Variants in ZNF571 observed in about 807,000 individuals in gnomAD.
ZNF571 encodes the protein zinc finger protein 571.
In ZNF571, 4 loss-of-function variants were observed where a neutral mutation model predicts 7.7. The ratio of observed to expected loss-of-function variants is 0.52; its 90% CI spans 0.25 to 1.18. The LOEUF (loss-of-function observed/expected upper bound fraction) is 1.18. ZNF571 is among the 50% of genes most tolerant of loss of function. The probability of loss-of-function intolerance (pLI) is 0.14; values close to 1 mark genes in which losing one functional copy is unlikely to be tolerated. For missense variants in ZNF571, 704 were observed against 726.9 expected (o/e 0.97, Z 0.36); for synonymous variants, 251 against 232.4 (o/e 1.08, Z -0.73).
chr19:37,583,301 C>G (rs573548886), intron 3 of ZNF571, among the ~76,000 whole-genome samples: 5 of 152,244 alleles, frequency 3.3e-5, no homozygotes, highest in African/African-American at 1.2e-4. Flanking sequence ...AAAGAGCAAC[C>G]AGGAAAAACG....
chr19:37,594,132 T>C (rs910670965), intron 1 of ZNF571: 3 of 152,234 alleles, frequency 2.0e-5, no homozygotes, highest in Non-Finnish European at 2.9e-5. Context: ...CAAGCTAGAA[T>C]AGGACATCTT....
At chr19:37,572,614 G>A (rs1471056948) in intron 3 of ZNF571, among the ~76,000 whole-genome samples, 1 of 152,156 alleles carries the variant, frequency 6.6e-6, no homozygotes, top group Non-Finnish European at 1.5e-5. Flanking sequence ...CCGCAGATAA[G>A]GGGGAACTGC....
In ZNF571 at chr19:37,566,171, A is replaced by G. The variant is rs747766570; in HGVS notation, c.257T>C (p.Leu86Pro). The change falls in exon 4 of 4, where the codon CTT becomes CCT. Residue 86 changes from leucine to proline, a missense_variant. Leu to Pro is a moderately conservative substitution (Grantham distance 98). Coordinates refer to ENST00000451802, the MANE Select transcript of ZNF571 (RefSeq NM_016536.5). ...RINHHLQYNG[L>P]GDNMECKGNL... is the part of the protein sequence containing the mutation. ...GCCTTTGCACTCCATATTGTCTCCA[A>G]GACCATTGTATTGAAGGTGATGGTT... is the stretch of plus-strand genomic sequence containing the variant. 8 of 1,613,910 alleles carry G rather than the reference A, an allele frequency of 5.0e-6. No homozygotes were observed. In the African/African-American group the frequency reaches 8.0e-5, roughly 16 times the overall value.
At chr19:37,582,249 T>C (rs1228262036) in intron 3 of ZNF571, among the ~76,000 whole-genome samples, 1 of 152,168 alleles carries the variant, frequency 6.6e-6, no homozygotes, top group African/African-American at 2.4e-5. Context: ...CAAACCCACC[T>C]TGTCAGGGTC....
Position 37,565,982 on chromosome 19 carries a change from C to A in ZNF571, c.446G>T (p.Ser149Ile), listed in dbSNP as rs1171148744. Residue 149 changes from serine (S) to isoleucine (I), a missense_variant, in exon 4 of 4, where the codon AGC becomes ATC. Ser to Ile is a moderately radical substitution (Grantham distance 142, BLOSUM62 -2). Transcript: ENST00000451802. Reference sequence around the variant, plus strand: ...ATGTTGAATAAGGCATGACAGGTAGCTGAAACCTTGTCTGCATTCCTTACA... The same window carrying A: ...ATGTTGAATAAGGCATGACAGGTAGATGAAACCTTGTCTGCATTCCTTACA... ...YKCKECRQGF[S>I]YLSCLIQHEE... is the part of the protein sequence containing the mutation. The A allele has an allele frequency of 6.2e-7, 1 of 1,613,824 alleles. No individual in the cohort carries two copies. Among genetic ancestry groups the A allele is most frequent in the Non-Finnish European group, 8.5e-7 (1 of 1,179,756 alleles).
intron 3 of ZNF571, among the ~76,000 whole-genome samples, chr19:37,579,461 C>T (rs2043368214): frequency 6.6e-6 from 1 of 152,166 alleles, no homozygotes; most frequent in South Asian, 2.1e-4. Flanking sequence ...ACTGTGACAT[C>T]GGAAAACAGG....
At chr19:37,578,803 G>A (rs2043340242) in intron 3 of ZNF571, among the ~76,000 whole-genome samples, 1 of 152,048 alleles carries the variant, frequency 6.6e-6, no homozygotes, top group Admixed American at 6.5e-5. Context: ...CGCAGCAACC[G>A]CACCTCTGCA....
chr19:37,585,402 T>A (rs747918488), intron 2 of ZNF571: 3 of 152,216 alleles, frequency 2.0e-5, no homozygotes, highest in Non-Finnish European at 4.4e-5. Flanking sequence ...AATTAAAATA[T>A]GCAGACTAAC....
intron 1 of ZNF571, 33 bp downstream of exon 1, chr19:37,594,708 T>C (rs559260415): frequency 1.3e-5 from 2 of 152,388 alleles, no homozygotes; most frequent in East Asian, 1.9e-4. Flanking sequence ...ACCCAAAAGC[T>C]GCGAGCGGTT....
intron 2 of ZNF571, 174 bp from the exon 3 acceptor site, chr19:37,584,271 C>A (rs1025015942): frequency 3.1e-5 from 23 of 748,854 alleles, no homozygotes; most frequent in Non-Finnish European, 4.4e-5. Context: ...ACAGATAAAA[C>A]TTCCTCTGTA....
chr19:37,590,840 T>C (rs970173909), intron 1 of ZNF571, among the ~76,000 whole-genome samples: 1 of 152,206 alleles, frequency 6.6e-6, no homozygotes, highest in Non-Finnish European at 1.5e-5. Context: ...ATGTAATCCA[T>C]GAACCTTAAA....
At chr19:37,587,831 T>C (rs774192868) in intron 1 of ZNF571, among the ~76,000 whole-genome samples, 26 of 151,968 alleles carry the variant, frequency 1.7e-4, no homozygotes, top group Non-Finnish European at 2.9e-4. Context: ...TAAGAATACA[T>C]GGGTTGGCTG....
chr19:37,588,099 C>CA (rs58516591), intron 1 of ZNF571, among the ~76,000 whole-genome samples: 716 of 45,754 alleles, frequency 0.016, 110 homozygotes, highest in Middle Eastern at 0.071. Flanking sequence ...GACTCCATCT[C>CA]AAAAAAAAAA....
At chr19:37,591,501 T>C (rs1461603025) in intron 1 of ZNF571, among the ~76,000 whole-genome samples, 2 of 152,228 alleles carry the variant, frequency 1.3e-5, no homozygotes, top group South Asian at 2.1e-4. Context: ...TGAAAATATA[T>C]AAAGGGAAAG....
rs1019660986 is a variant in ZNF571, at chr19:37,584,031, C to T, written c.76G>A (p.Ala26Thr). 2 of 1,614,058 alleles carry T rather than the reference C, an allele frequency of 1.2e-6. No individual in the cohort carries two copies. The highest frequency in any genetic ancestry group is 1.7e-6 in the Non-Finnish European group (2 of 1,179,964). Reference sequence around the variant, plus strand: ...ACATCCCTGTACAAGTCCCTCTGAGCAGGGTCCAGGCATTCCCATTCCTCC... The same window carrying T: ...ACATCCCTGTACAAGTCCCTCTGAGTAGGGTCCAGGCATTCCCATTCCTCC... ...SQEEWECLDP[A>T]QRDLYRDVML... The change falls in exon 3 of 4, where the codon GCT becomes ACT. Residue 26 changes from alanine (A) to threonine (T), a missense_variant. Ala to Thr is a moderately conservative substitution (Grantham distance 58). Coordinates refer to ENST00000451802, the MANE Select transcript of ZNF571 (RefSeq NM_016536.5).
chr19:37,588,738 A>G (rs575538269), intron 1 of ZNF571, among the ~76,000 whole-genome samples: 6 of 152,210 alleles, frequency 3.9e-5, no homozygotes, highest in Non-Finnish European at 5.9e-5. Context: ...AAAAAGTTGG[A>G]TACTGCATAT....
intron 3 of ZNF571, among the ~76,000 whole-genome samples, chr19:37,568,964 T>C (rs2042964645): frequency 1.3e-5 from 2 of 148,578 alleles, no homozygotes; most frequent in African/African-American, 4.9e-5. Context: ...CAAGGCATCT[T>C]TTTTTTTTTT....
In ZNF571 at chr19:37,564,708, T is replaced by G; in HGVS notation, c.1720A>C (p.Thr574Pro). The change falls in exon 4 of 4, where the codon ACT becomes CCT. Residue 574 changes from threonine (T) to proline (P), a missense_variant. Thr to Pro is a conservative substitution (Grantham distance 38, BLOSUM62 -1). Coordinates refer to ENST00000451802, the MANE Select transcript of ZNF571 (RefSeq NM_016536.5). ...CCAGTATGGATCCTTTGATGCAGAG[T>G]AAGTTCTGAGCCACGACTAAAGGCC... ...GRAFSRGSEL[T>P]LHQRIHTGEK... The G allele has an allele frequency of 1.9e-6, 3 of 1,613,602 alleles. No homozygotes were observed. The highest frequency in any genetic ancestry group is 2.5e-6 in the Non-Finnish European group (3 of 1,179,684).
rs544882493 is a variant in ZNF571, at chr19:37,584,780, G to A, written c.10-683C>T. 1.5e-3 allele frequency among the ~76,000 whole-genome samples: 223 copies of A among 152,064 alleles called. 1 individual carries two copies. The highest frequency in any genetic ancestry group is 2.6e-3 in the Non-Finnish European group (175 of 67,996). ...GATCGAGACCATCCTGGCTAACACG[G>A]TGAAACCCCGTCTCTACTAAAAATA... On this transcript the variant is annotated intron_variant, in intron 2 of 3. Coordinates refer to ENST00000451802, the MANE Select transcript of ZNF571 (RefSeq NM_016536.5).
Sources: allele counts gnomAD v4.1 joint callset (sites outside exome capture counted in the v4.1 genomes callset), GRCh38; gene constraint gnomAD v4.1.1; transcripts MANE v1.5; gene names NCBI Gene and HGNC (gene_info 2026-07-23, HGNC 2026-07-21).